Variants in SMAP1 observed in about 807,000 individuals in gnomAD.
SMAP1 encodes stromal membrane-associated protein 1.
Under a neutral mutation model 58.5 loss-of-function variants are expected in SMAP1, and 24 were observed. The observed-to-expected ratio is 0.41, with a 90% CI of 0.30 to 0.58. The LOEUF is 0.58. Among genes scored for constraint, SMAP1 ranks in the 20% least tolerant of loss-of-function variants. The probability of loss-of-function intolerance (pLI) is 0.29; values close to 1 mark genes in which losing one functional copy is unlikely to be tolerated. For synonymous variants in SMAP1, 216 were observed against 196.6 expected, an observed-to-expected ratio of 1.10 and a Z score of -0.82; for missense variants, 563 against 566.3, an observed-to-expected ratio of 0.99 and a Z score of 0.06.
At chr6:70,847,391 C>G (rs1282603064) in intron 7 of SMAP1, among the ~76,000 whole-genome samples, 1 of 152,166 alleles carries the variant, frequency 6.6e-6, no homozygotes, top group Non-Finnish European at 1.5e-5. Context: ...TTAACCTTTT[C>G]CTGTCGGTTT....
At chr6:70,716,697 A>G (rs1476058493) in intron 1 of SMAP1, among the ~76,000 whole-genome samples, 1 of 151,080 alleles carries the variant, frequency 6.6e-6, no homozygotes, top group Non-Finnish European at 1.5e-5. Context: ...TATATTTTTC[A>G]TTTGTATAAT....
intron 6 of SMAP1, among the ~76,000 whole-genome samples, chr6:70,825,840 T>G (rs1770091388): frequency 6.6e-6 from 1 of 152,200 alleles, no homozygotes; most frequent in African/African-American, 2.4e-5. Context: ...CTGCCTCTCA[T>G]TCACACACAT....
intron 6 of SMAP1, among the ~76,000 whole-genome samples, chr6:70,799,657 G>A (rs1029247980): frequency 4.6e-5 from 7 of 152,158 alleles, no homozygotes; most frequent in African/African-American, 1.7e-4. Flanking sequence ...TAGAAGTACT[G>A]TATATAAGAA....
chr6:70,817,753 G>C (rs1316345761), intron 6 of SMAP1, among the ~76,000 whole-genome samples: 1 of 152,150 alleles, frequency 6.6e-6, no homozygotes, highest in Non-Finnish European at 1.5e-5. Flanking sequence ...CAACCAGGCT[G>C]TTTTGAGTTC....
At chr6:70,849,231 A>G (rs1771099051) in intron 7 of SMAP1, among the ~76,000 whole-genome samples, 1 of 152,176 alleles carries the variant, frequency 6.6e-6, no homozygotes, top group African/African-American at 2.4e-5. Context: ...CAGCCTTGCC[A>G]CAAAGATTGC....
intron 1 of SMAP1, among the ~76,000 whole-genome samples, chr6:70,723,724 G>T (rs1177221393): frequency 2.0e-5 from 3 of 152,202 alleles, no homozygotes; most frequent in African/African-American, 7.2e-5. Context: ...GTGTGTTGAT[G>T]TAGTAGACTC....
intron 1 of SMAP1, among the ~76,000 whole-genome samples, chr6:70,701,535 C>T (rs1256917741): frequency 6.6e-6 from 1 of 152,164 alleles, no homozygotes; most frequent in Non-Finnish European, 1.5e-5. Context: ...AACTCAGGTT[C>T]TCGCTGCTGG....
At chr6:70,835,477 AAATG>A (rs2149996736) in intron 6 of SMAP1, among the ~76,000 whole-genome samples, 1 of 152,266 alleles carries the variant, frequency 6.6e-6, no homozygotes, top group Admixed American at 6.5e-5. Context: ...ATGGTTTGAG[AAATG>A]AATGAATGTT....
chr6:70,796,768 C>T (rs1768626092), intron 5 of SMAP1, among the ~76,000 whole-genome samples: 1 of 152,156 alleles, frequency 6.6e-6, no homozygotes, highest in Non-Finnish European at 1.5e-5. Flanking sequence ...TTGACATATG[C>T]TCTTCTGGTA....
At chr6:70,844,945 G>A (rs956520880) in intron 7 of SMAP1, among the ~76,000 whole-genome samples, 1 of 152,170 alleles carries the variant, frequency 6.6e-6, no homozygotes, top group Non-Finnish European at 1.5e-5. Flanking sequence ...TATCATGGAC[G>A]CAGCCTTCTT....
At chr6:70,798,618 A>T (rs1768709277) in intron 5 of SMAP1, 39 bp from the exon 6 acceptor site, 2 of 1,473,832 alleles carry the variant, frequency 1.4e-6, no homozygotes, top group African/African-American at 1.4e-5. Context: ...GCCATTTTTT[A>T]AAAAAGTAAA....
intron 2 of SMAP1, among the ~76,000 whole-genome samples, chr6:70,744,678 G>T (rs777824073): frequency 2.0e-5 from 3 of 152,176 alleles, no homozygotes; most frequent in Non-Finnish European, 4.4e-5. Context: ...AATCCTTTGG[G>T]TATATACCCA....
chr6:70,767,427 C>T lies in SMAP1; in HGVS notation c.339-5923C>T, dbSNP rs1273346857. Reference sequence around the variant, plus strand: ...TTGTATTCTCTTTTATTTCATTGAGCAGTGGTTTGTAGTTCTCCACTTGAA... The same window carrying T: ...TTGTATTCTCTTTTATTTCATTGAGTAGTGGTTTGTAGTTCTCCACTTGAA... On this transcript the variant is annotated intron_variant, in intron 3 of 10. Transcript: ENST00000370455. 6.6e-5 allele frequency among the ~76,000 whole-genome samples: 10 copies of T among 152,156 alleles called. No homozygotes were observed. In the South Asian group the frequency reaches 2.1e-3, roughly 32 times the overall value.
intron 3 of SMAP1, among the ~76,000 whole-genome samples, chr6:70,768,093 G>T (rs1767084016): frequency 6.6e-6 from 1 of 152,182 alleles, no homozygotes; most frequent in African/African-American, 2.4e-5. Context: ...ACATCCCAGG[G>T]ATGAAGCCCA....
chr6:70,860,141 G>C, intron 10 of SMAP1, 59 bp from the exon 11 acceptor site: 2 of 1,507,670 alleles, frequency 1.3e-6, no homozygotes, highest in South Asian at 2.7e-5. Flanking sequence ...TGTGGCTAAA[G>C]AAACAAGAAT....
chr6:70,769,646 C>T (rs1241970301), intron 3 of SMAP1, among the ~76,000 whole-genome samples: 1 of 152,110 alleles, frequency 6.6e-6, no homozygotes, highest in Non-Finnish European at 1.5e-5. Context: ...CTATGTGTGT[C>T]TCTGCATGTG....
chr6:70,709,293 A>G (rs1582039275), intron 1 of SMAP1, among the ~76,000 whole-genome samples: 1 of 152,106 alleles, frequency 6.6e-6, no homozygotes, highest in African/African-American at 2.4e-5. Context: ...TCATGCCCAT[A>G]CCATAAACAA....
intron 3 of SMAP1, among the ~76,000 whole-genome samples, chr6:70,771,343 C>G (rs1261130781): frequency 6.7e-6 from 1 of 149,128 alleles, no homozygotes; most frequent in African/African-American, 2.5e-5. Context: ...TGTCTTTGCT[C>G]TGCCCCAGAG....
rs910433903 is a variant in SMAP1 at position 70,860,569 on chromosome 6, G to A, written c.*235G>A. The A allele has an allele frequency of 6.3e-5, 28 of 447,006 alleles. No individual in the cohort carries two copies. The highest frequency in any genetic ancestry group is 4.2e-4 in the African/African-American group (21 of 49,648). 27.7% of individuals were successfully genotyped at this position (447,006 alleles called of 1,614,324 possible). A position where few individuals can be genotyped will look rare whatever the true frequency, so the allele number is the denominator to read the frequency against. ...TTGCTCATATTTCCCATGATTTCAT[G>A]TACTGCATTATTTGAGAAGCTGCTC... On this transcript the variant is annotated 3_prime_UTR_variant, in exon 11 of 11. Coordinates refer to ENST00000370455, the MANE Select transcript of SMAP1 (RefSeq NM_001044305.3).
Sources: gnomAD v4.1 joint callset for allele counts (sites outside exome capture counted in the v4.1 genomes callset) on GRCh38, gnomAD v4.1.1 for gene constraint, MANE v1.5 for transcripts, NCBI Gene and HGNC (gene_info 2026-07-23, HGNC 2026-07-21) for gene names.